NEDD4L: variants seen among roughly 807,000 people sequenced by gnomAD.
The protein encoded by NEDD4L is NEDD4 like E3 ubiquitin protein ligase, also known as E3 ubiquitin-protein ligase NEDD4-like.
In NEDD4L, 54 loss-of-function variants were observed where a neutral mutation model predicts 148.9. The observed-to-expected ratio is 0.36, with a 90% CI of 0.29 to 0.45. NEDD4L has a LOEUF of 0.45. Among genes scored for constraint, NEDD4L ranks in the 20% least tolerant of loss-of-function variants. The pLI, the probability that NEDD4L is intolerant of heterozygous loss-of-function variation, is 1.00. For missense variants in NEDD4L, 856 were observed against 1,233.8 expected, an observed-to-expected ratio of 0.69 and a Z score of 4.59; for synonymous variants, 433 against 440.7, an observed-to-expected ratio of 0.98 and a Z score of 0.22.
At chr18:58,214,815 T>TTTTTTTTTTG (rs1291603873) in intron 2 of NEDD4L, among the ~76,000 whole-genome samples, 1 of 127,124 alleles carries the variant, frequency 7.9e-6, no homozygotes, top group Non-Finnish European at 1.7e-5. Context: ...TTTTTTTTTT[T>TTTTTTTTTTG]TTGTTGTTGT....
intron 26 of NEDD4L, among the ~76,000 whole-genome samples, chr18:58,386,666 C>T (rs1319301348): frequency 1.3e-5 from 2 of 152,170 alleles, no homozygotes; most frequent in Non-Finnish European, 2.9e-5. Flanking sequence ...TCAAAGATCA[C>T]ACAGGAAACA....
chr18:58,356,434 A>C (rs1247495448), intron 18 of NEDD4L, among the ~76,000 whole-genome samples: 2 of 152,114 alleles, frequency 1.3e-5, no homozygotes, highest in Non-Finnish European at 2.9e-5. Context: ...CACACACAGG[A>C]ATCCGTAAGG....
rs376869474 is a variant in NEDD4L at position 58,087,658 on chromosome 18, T to C, written c.48+42950T>C. Reference sequence around the variant, plus strand: ...GAGAGGCCGAGGCGGGCGGATCACCTGAGGTTGGGAGTTTGAGACCATCCT... The same window carrying C: ...GAGAGGCCGAGGCGGGCGGATCACCCGAGGTTGGGAGTTTGAGACCATCCT... On this transcript the variant is annotated intron_variant, in intron 1 of 30. Transcript: ENST00000400345. Among the ~76,000 whole-genome samples the C allele has an allele frequency of 2.1e-3, 316 of 152,222 alleles. 2 individuals carry two copies. The highest frequency in any genetic ancestry group is 7.2e-3 in the African/African-American group (300 of 41,542).
In NEDD4L at chr18:58,044,579, G is replaced by C; in HGVS notation, c.-82G>C. 6.9e-7 allele frequency: 1 copy of C among 1,455,194 alleles called. No homozygotes were observed. Among genetic ancestry groups the C allele is most frequent in the Non-Finnish European group, 9.1e-7 (1 of 1,101,014 alleles). 90.1% of individuals were successfully genotyped at this position (1,455,194 alleles called of 1,614,324 possible). The stretch of plus-strand genomic sequence containing the variant: ...GTAGGGTGCGGGACCGGGGGGACCT[G>C]GAGGCAGAGGGGAGAACCGGCCGTC... On this transcript the variant is annotated 5_prime_UTR_variant, in exon 1 of 31. Coordinates refer to ENST00000400345, the MANE Select transcript of NEDD4L (RefSeq NM_001144967.3).
At chr18:58,270,720 G>C (rs1481889103) in intron 5 of NEDD4L, among the ~76,000 whole-genome samples, 1 of 152,062 alleles carries the variant, frequency 6.6e-6, no homozygotes, top group Non-Finnish European at 1.5e-5. Context: ...GTTTCTTTCT[G>C]ATTTCTATTG....
intron 25 of NEDD4L, 147 bp from the exon 26 acceptor site, chr18:58,385,379 G>T: frequency 1.4e-6 from 1 of 724,704 alleles, no homozygotes; most frequent in East Asian, 2.6e-5. Flanking sequence ...AAGAAGCCAT[G>T]AATAAACTAA....
intron 6 of NEDD4L, among the ~76,000 whole-genome samples, chr18:58,320,488 C>T (rs1555807765): frequency 6.6e-6 from 1 of 152,156 alleles, no homozygotes; most frequent in Non-Finnish European, 1.5e-5. Flanking sequence ...ATGTTGTATC[C>T]ACATGTCGTT....
intron 2 of NEDD4L, among the ~76,000 whole-genome samples, chr18:58,227,028 AAGCTGCCTAC>A: frequency 6.6e-6 from 1 of 152,220 alleles, no homozygotes; most frequent in Non-Finnish European, 1.5e-5. Flanking sequence ...CAAAATCAGA[AAGCTGCCTAC>A]CCTGCAGCCT....
At chr18:58,206,476 T>TGATA in intron 2 of NEDD4L, among the ~76,000 whole-genome samples, 1 of 152,144 alleles carries the variant, frequency 6.6e-6, no homozygotes, top group Non-Finnish European at 1.5e-5. Context: ...GGTTTGAAGA[T>TGATA]TATATCAAGT....
At chr18:58,318,145 G>T (rs368524662) in intron 6 of NEDD4L, among the ~76,000 whole-genome samples, 3 of 152,156 alleles carry the variant, frequency 2.0e-5, no homozygotes, top group African/African-American at 7.2e-5. Flanking sequence ...GAGCATATGC[G>T]TGTATTTTGT....
chr18:58,117,070 G>A (rs57756257), intron 1 of NEDD4L, among the ~76,000 whole-genome samples: 1,743 of 152,352 alleles, frequency 0.011, 24 homozygotes, highest in African/African-American at 0.035. Context: ...CAAGTGCTTA[G>A]TAAACAGTTG....
intron 2 of NEDD4L, among the ~76,000 whole-genome samples, chr18:58,225,817 T>C (rs1436980882): frequency 1.3e-5 from 2 of 152,156 alleles, no homozygotes; most frequent in Non-Finnish European, 2.9e-5. Flanking sequence ...CCAAGTCAAC[T>C]GATAATAGAA....
chr18:58,261,803 T>A (rs2049424457), intron 5 of NEDD4L, among the ~76,000 whole-genome samples: 1 of 152,220 alleles, frequency 6.6e-6, no homozygotes, highest in Admixed American at 6.5e-5. Flanking sequence ...AATAATTACC[T>A]GCATATTACT....
intron 2 of NEDD4L, among the ~76,000 whole-genome samples, chr18:58,189,079 G>A (rs1484648478): frequency 6.6e-6 from 1 of 152,046 alleles, no homozygotes; most frequent in Non-Finnish European, 1.5e-5. Flanking sequence ...TCCAATATCT[G>A]GTGAACAGCT....
intron 1 of NEDD4L, among the ~76,000 whole-genome samples, chr18:58,154,872 G>A (rs529002117): frequency 1.3e-5 from 2 of 152,104 alleles, no homozygotes; most frequent in African/African-American, 4.8e-5. Context: ...ATACTATTGT[G>A]ACAAGAGAAA....
rs1364020288 is a variant in NEDD4L at position 58,256,273 on chromosome 18, C to T, written c.297+4219C>T. On this transcript the variant is annotated intron_variant, in intron 5 of 30. Transcript: ENST00000400345. The surrounding 1 kb of genome is among the most constrained non-coding windows in gnomAD (Gnocchi z 5.2). ...AGGTGAGGCTGCTGCCCCTGGGCCC[C>T]GATGGCCAGGGCGGCCCGGCCGCGG... 5.3e-5 allele frequency: 65 copies of T among 1,231,160 alleles called. No homozygotes were observed. The highest frequency in any genetic ancestry group is 6.0e-5 in the Non-Finnish European group (59 of 987,646). 76.3% of individuals were successfully genotyped at this position (1,231,160 alleles called of 1,614,324 possible). A position where few individuals can be genotyped will look rare whatever the true frequency, so the allele number is the denominator to read the frequency against.
intron 1 of NEDD4L, among the ~76,000 whole-genome samples, chr18:58,117,173 C>G (rs931896293): frequency 1.3e-5 from 2 of 152,196 alleles, no homozygotes; most frequent in African/African-American, 2.4e-5. Flanking sequence ...TTTACAGATT[C>G]ATTTAAGGTC....
intron 5 of NEDD4L, 130 bp downstream of exon 5, chr18:58,252,184 T>C: frequency 1.5e-6 from 1 of 689,472 alleles, no homozygotes; most frequent in South Asian, 1.7e-5. Flanking sequence ...AGACTGTTTT[T>C]GTCCCACTAC....
intron 18 of NEDD4L, among the ~76,000 whole-genome samples, chr18:58,351,616 TA>T (rs1271783276): frequency 6.6e-6 from 1 of 152,228 alleles, no homozygotes. Flanking sequence ...TCATTCCAAC[TA>T]AAAGTTCAAC....
Sources: allele counts gnomAD v4.1 joint callset (sites outside exome capture counted in the v4.1 genomes callset), GRCh38; gene constraint gnomAD v4.1.1; non-coding constraint Gnocchi (gnomAD v3.1); transcripts MANE v1.5; gene names NCBI Gene and HGNC (gene_info 2026-07-23, HGNC 2026-07-21).